FUT9: variants seen among roughly 807,000 people sequenced by gnomAD.
The protein encoded by FUT9 is 4-galactosyl-N-acetylglucosaminide 3-alpha-L-fucosyltransferase 9.
In FUT9, 15 loss-of-function variants were observed where a neutral mutation model predicts 29.7. The ratio of observed to expected loss-of-function variants is 0.51; its 90% confidence interval spans 0.34 to 0.78. FUT9 has a LOEUF of 0.78. Ranked by LOEUF, FUT9 falls within the 30% of genes least tolerant of loss-of-function variation. FUT9 has a pLI of 0.01. For missense variants in FUT9, 319 were observed against 425.4 expected (o/e 0.75, Z 2.20); for synonymous variants, 169 against 153.7 (o/e 1.10, Z -0.74).
intron 1 of FUT9, among the ~76,000 whole-genome samples, chr6:96,085,118 A>T (rs1378052140): frequency 6.6e-6 from 1 of 152,198 alleles, no homozygotes; most frequent in African/African-American, 2.4e-5. Flanking sequence ...CAGCAAAAGA[A>T]AAAGTGTATA....
chr6:96,078,185 G>A (rs1193621901), intron 1 of FUT9, among the ~76,000 whole-genome samples: 1 of 151,508 alleles, frequency 6.6e-6, no homozygotes, highest in Non-Finnish European at 1.5e-5. Flanking sequence ...CTACATTCCG[G>A]GAGATTTCCT....
At chr6:96,061,632 G>C (rs140512287) in intron 1 of FUT9, among the ~76,000 whole-genome samples, 229 of 152,076 alleles carry the variant, frequency 1.5e-3, no homozygotes, top group African/African-American at 5.3e-3. Flanking sequence ...TTGTTAAACT[G>C]ATCTCCACTA....
At chr6:96,112,994 T>G (rs1771838068) in intron 1 of FUT9, among the ~76,000 whole-genome samples, 1 of 152,214 alleles carries the variant, frequency 6.6e-6, no homozygotes, top group African/African-American at 2.4e-5. Context: ...TTTAGGCAAA[T>G]CATCGAATTA....
intron 1 of FUT9, among the ~76,000 whole-genome samples, chr6:96,079,416 C>T (rs550575906): frequency 1.3e-5 from 2 of 152,302 alleles, no homozygotes; most frequent in South Asian, 4.1e-4. Flanking sequence ...CTTTCTGATT[C>T]CTCCTGAAAT....
At chr6:96,081,750 C>T (rs1771241952) in intron 1 of FUT9, among the ~76,000 whole-genome samples, 1 of 151,862 alleles carries the variant, frequency 6.6e-6, no homozygotes, top group Non-Finnish European at 1.5e-5. Flanking sequence ...TTATGCCAAA[C>T]TATTAAGTGT....
intron 2 of FUT9, among the ~76,000 whole-genome samples, chr6:96,126,186 A>T (rs1024133215): frequency 6.6e-6 from 1 of 152,198 alleles, no homozygotes; most frequent in Non-Finnish European, 1.5e-5. Context: ...TAATTGATGA[A>T]GAAAAGAAAT....
At chr6:96,087,133 C>G (rs1321651735) in intron 1 of FUT9, among the ~76,000 whole-genome samples, 1 of 152,098 alleles carries the variant, frequency 6.6e-6, no homozygotes, top group Non-Finnish European at 1.5e-5. Flanking sequence ...AAATGACATT[C>G]TTACAGAGCC....
At chr6:96,119,406 C>T (rs899648085) in intron 2 of FUT9, among the ~76,000 whole-genome samples, 2 of 152,140 alleles carry the variant, frequency 1.3e-5, no homozygotes, top group Non-Finnish European at 2.9e-5. Flanking sequence ...CAGGCAATAC[C>T]ATCTAGGTTT....
chr6:96,047,259 A>G (rs1018946762), intron 1 of FUT9, among the ~76,000 whole-genome samples: 2 of 152,210 alleles, frequency 1.3e-5, no homozygotes, highest in African/African-American at 4.8e-5. Flanking sequence ...TGCAAATTTT[A>G]TAAGTATGTG....
At chr6:96,191,470 A>C (rs567657881) in intron 2 of FUT9, among the ~76,000 whole-genome samples, 1 of 152,210 alleles carries the variant, frequency 6.6e-6, no homozygotes, top group African/African-American at 2.4e-5. Flanking sequence ...CAAATAAACT[A>C]GAAAATCTAG....
intron 2 of FUT9, among the ~76,000 whole-genome samples, chr6:96,143,952 C>T (rs1174312514): frequency 6.6e-6 from 1 of 152,150 alleles, no homozygotes; most frequent in Non-Finnish European, 1.5e-5. Context: ...TGGTTGTGTA[C>T]TTAGAAAGCC....
chr6:96,084,879 A>G (rs948231689), intron 1 of FUT9, among the ~76,000 whole-genome samples: 4 of 152,122 alleles, frequency 2.6e-5, no homozygotes, highest in Admixed American at 2.0e-4. Flanking sequence ...CTTGCAAAAT[A>G]TACTATGTTT....
intron 1 of FUT9, among the ~76,000 whole-genome samples, chr6:96,056,340 T>C (rs1404399654): frequency 2.6e-5 from 4 of 152,204 alleles, no homozygotes; most frequent in African/African-American, 9.6e-5. Context: ...ACATATGAGA[T>C]CTAGAAACAT....
chr6:96,118,701 A>G (rs922812301), intron 2 of FUT9, among the ~76,000 whole-genome samples: 1 of 152,220 alleles, frequency 6.6e-6, no homozygotes, highest in African/African-American at 2.4e-5. Context: ...GAGGTATTCC[A>G]GAAGAAGGGA....
At chr6:96,088,271 A>T (rs957639261) in intron 1 of FUT9, among the ~76,000 whole-genome samples, 10 of 151,976 alleles carry the variant, frequency 6.6e-5, no homozygotes, top group African/African-American at 2.2e-4. Context: ...TAAAATAAAA[A>T]AATAAAATGT....
At position 96,103,078 on chromosome 6, in the gene FUT9, C is replaced by A. The variant is rs543450365; in HGVS notation, c.-97-10961C>A. Among the ~76,000 whole-genome samples, 5 of 152,226 alleles carry A rather than the reference C, an allele frequency of 3.3e-5. No individual in the cohort carries two copies. The South Asian group carries it at 6.2e-4, about 19-fold the overall frequency. On this transcript the variant is annotated intron_variant, in intron 1 of 2. Transcript: ENST00000302103. ...AAATAGACTTTCAGGACTTCAGCAT[C>A]AGCTAAGTGAATAAGGAATGGCCAA...
At chr6:96,031,089 C>T (rs1177401192) in intron 1 of FUT9, among the ~76,000 whole-genome samples, 1 of 151,376 alleles carries the variant, frequency 6.6e-6, no homozygotes, top group Non-Finnish European at 1.5e-5. Flanking sequence ...AATCATATTT[C>T]AGTAAACCTG....
chr6:96,066,726 A>G lies in FUT9; in HGVS notation c.-97-47313A>G, dbSNP rs79189853. Reference sequence around the variant, plus strand: ...GTACATAAAAATCTTTGTATAACTCATACAAATATATGTACTTTATTTCCA... The same window carrying G: ...GTACATAAAAATCTTTGTATAACTCGTACAAATATATGTACTTTATTTCCA... On this transcript the variant is annotated intron_variant, in intron 1 of 2. Transcript: ENST00000302103. Among the ~76,000 whole-genome samples, 1,166 of 152,250 alleles carry G rather than the reference A, an allele frequency of 7.7e-3. 33 individuals are homozygous for G. The East Asian group carries it at 0.099, about 13-fold the overall frequency.
chr6:96,205,517 A>G lies in FUT9; in HGVS notation c.*1282A>G, dbSNP rs1307241198. 6.0e-6 allele frequency: 1 copy of G among 167,022 alleles called. No individual in the cohort carries two copies. The highest frequency in any genetic ancestry group is 2.4e-5 in the African/African-American group (1 of 41,428). The allele number at this position is 167,022 out of a possible 1,614,324, so 10.3% of individuals were successfully genotyped here. On this transcript the variant is annotated 3_prime_UTR_variant, in exon 3 of 3. Coordinates refer to ENST00000302103, the MANE Select transcript of FUT9 (RefSeq NM_006581.4). ...ACCATGATGTTCAGGGCTTTATAGA[A>G]CCAAATAAACCTACCATTACATGAA...
Sources: gnomAD v4.1 joint callset for allele counts (sites outside exome capture counted in the v4.1 genomes callset) on GRCh38, gnomAD v4.1.1 for gene constraint, MANE v1.5 for transcripts, NCBI Gene and HGNC (gene_info 2026-07-23, HGNC 2026-07-21) for gene names.